The following SPIRE1 variants were observed in gnomAD, a reference collection of about 807,000 sequenced individuals.
The protein encoded by SPIRE1 is spire type actin nucleation factor 1.
A neutral mutation model predicts 94.1 loss-of-function variants in SPIRE1; 40 were observed. The observed-to-expected ratio is 0.43, with a 90% CI of 0.33 to 0.55. The LOEUF (loss-of-function observed/expected upper bound fraction) is 0.55, where lower values mean the gene tolerates loss of function less well. Among genes scored for constraint, SPIRE1 ranks in the 20% least tolerant of loss-of-function variants. SPIRE1 has a pLI of 0.06. For missense variants in SPIRE1, 838 were observed against 975.2 expected (o/e 0.86, Z 1.87); for synonymous variants, 376 against 371.7 (o/e 1.01, Z -0.13).
intron 2 of SPIRE1, among the ~76,000 whole-genome samples, chr18:12,595,222 C>T (rs1473541511): frequency 6.6e-6 from 1 of 152,178 alleles, no homozygotes; most frequent in Non-Finnish European, 1.5e-5. Flanking sequence ...GGGAGGATCA[C>T]CTGAGCCCAG....
Position 12,559,713 on chromosome 18 carries a change from C to G in SPIRE1, c.373-12809G>C, listed in dbSNP as rs1400285074. The stretch of plus-strand genomic sequence containing the variant: ...GGGCAAAGATTTCTTGAGTAATAAC[C>G]CACAGGCACAGGGAACCAAAGCAAA... On this transcript the variant is annotated intron_variant, in intron 2 of 16. Coordinates refer to ENST00000409402, the MANE Select transcript of SPIRE1 (RefSeq NM_001128626.2). The surrounding 1 kb of genome is among the most constrained non-coding windows in gnomAD (Gnocchi z 4.7). Among the ~76,000 whole-genome samples, 1 of 152,134 alleles carries G rather than the reference C, an allele frequency of 6.6e-6. No individual in the cohort carries two copies. The highest frequency in any genetic ancestry group is 1.5e-5 in the Non-Finnish European group (1 of 68,010).
At chr18:12,601,028 C>T (rs1598515667) in intron 2 of SPIRE1, among the ~76,000 whole-genome samples, 1 of 152,198 alleles carries the variant, frequency 6.6e-6, no homozygotes, top group Middle Eastern at 3.4e-3. Flanking sequence ...GGCCCATTAT[C>T]GTTAGTTATT....
At chr18:12,576,242 G>C (rs1030928507) in intron 2 of SPIRE1, among the ~76,000 whole-genome samples, 4 of 151,700 alleles carry the variant, frequency 2.6e-5, no homozygotes, top group Non-Finnish European at 5.9e-5. Flanking sequence ...AAATTATCTA[G>C]AATAGCCAGA....
At chr18:12,556,786 C>T (rs561872185) in intron 2 of SPIRE1, among the ~76,000 whole-genome samples, 1 of 152,214 alleles carries the variant, frequency 6.6e-6, no homozygotes, top group East Asian at 1.9e-4. Context: ...GTGGTGAGGA[C>T]CCAAAGAGTG....
chr18:12,448,756 T>C lies in SPIRE1; in HGVS notation c.*882A>G, dbSNP rs1346410665. ...TAGCTGAAAACCCATGAGCTCCAGC[T>C]CATTTCTGCAGCGTGGCCAACAGCT... On this transcript the variant is annotated 3_prime_UTR_variant, in exon 17 of 17. Transcript: ENST00000409402. This position sits in a 1 kb window ranked among gnomAD's most constrained non-coding sequence, Gnocchi z 4.4. The C allele has an allele frequency of 6.6e-6, 1 of 152,200 alleles. No individual in the cohort carries two copies. The highest frequency in any genetic ancestry group is 1.5e-5 in the Non-Finnish European group (1 of 68,030). The allele number at this position is 152,200 out of a possible 1,614,324, so 9.4% of individuals were successfully genotyped here.
At chr18:12,475,884 C>T (rs1020265923) in intron 10 of SPIRE1, among the ~76,000 whole-genome samples, 3 of 152,226 alleles carry the variant, frequency 2.0e-5, no homozygotes, top group Non-Finnish European at 4.4e-5. Flanking sequence ...TCCGTACACC[C>T]TGAGCGGGCC....
chr18:12,640,365 T>C (rs1187792013), intron 1 of SPIRE1, among the ~76,000 whole-genome samples: 4 of 152,202 alleles, frequency 2.6e-5, no homozygotes, highest in Admixed American at 1.3e-4. Context: ...TTCTTTTTCA[T>C]GCTAAAACTG....
chr18:12,599,958 C>T (rs768953029), intron 2 of SPIRE1, among the ~76,000 whole-genome samples: 1 of 152,108 alleles, frequency 6.6e-6, no homozygotes, highest in Non-Finnish European at 1.5e-5. Flanking sequence ...GATTATATTA[C>T]ATAAGACAGC....
intron 2 of SPIRE1, among the ~76,000 whole-genome samples, chr18:12,569,398 A>G (rs1442057616): frequency 1.3e-5 from 2 of 151,788 alleles, no homozygotes; most frequent in African/African-American, 4.8e-5. Flanking sequence ...TTACACTGGC[A>G]TGTGCACCAG....
At chr18:12,479,005 G>T (rs1482525238) in intron 10 of SPIRE1, among the ~76,000 whole-genome samples, 1 of 151,924 alleles carries the variant, frequency 6.6e-6, no homozygotes, top group Admixed American at 6.6e-5. Flanking sequence ...TATTTTAGAA[G>T]AATCTATGCA....
intron 7 of SPIRE1, among the ~76,000 whole-genome samples, chr18:12,494,850 A>AAAAC (rs2033388668): frequency 6.8e-6 from 1 of 147,148 alleles, no homozygotes; most frequent in Non-Finnish European, 1.5e-5. Context: ...AAAAAAAAAA[A>AAAAC]AAAAAAATAC....
chr18:12,647,190 T>A (rs1463239969), intron 1 of SPIRE1, among the ~76,000 whole-genome samples: 1 of 152,222 alleles, frequency 6.6e-6, no homozygotes, highest in Non-Finnish European at 1.5e-5. Flanking sequence ...TAATGTCTCA[T>A]ATCAGTTTTA....
intron 2 of SPIRE1, among the ~76,000 whole-genome samples, chr18:12,622,589 A>G (rs2037506941): frequency 6.6e-6 from 1 of 151,282 alleles, no homozygotes; most frequent in Admixed American, 6.6e-5. Flanking sequence ...TGCCCGGCTA[A>G]TTTTTTGTAT....
intron 2 of SPIRE1, among the ~76,000 whole-genome samples, chr18:12,557,444 G>A (rs2144363808): frequency 6.6e-6 from 1 of 152,278 alleles, no homozygotes; most frequent in African/African-American, 2.4e-5. Flanking sequence ...CCAAATGTGG[G>A]GCCTGCCAAG....
chr18:12,553,379 C>T (rs1323625422), intron 2 of SPIRE1, among the ~76,000 whole-genome samples: 2 of 151,732 alleles, frequency 1.3e-5, no homozygotes, highest in Non-Finnish European at 2.9e-5. Context: ...GGCCTGGCAG[C>T]ATTCACTAAA....
At chr18:12,624,268 A>T (rs62097152) in intron 2 of SPIRE1, among the ~76,000 whole-genome samples, 1 of 150,294 alleles carries the variant, frequency 6.7e-6, no homozygotes, top group African/African-American at 2.4e-5. Context: ...CATGGCTGGG[A>T]GTGGTGGCTC....
chr18:12,464,469 G>C (rs1023707745), intron 11 of SPIRE1, among the ~76,000 whole-genome samples: 4 of 152,004 alleles, frequency 2.6e-5, no homozygotes, highest in African/African-American at 9.7e-5. Context: ...AGTTATAAAG[G>C]TGTTTTCACT....
At chr18:12,589,363 G>A (rs2036469192) in intron 2 of SPIRE1, among the ~76,000 whole-genome samples, 1 of 152,080 alleles carries the variant, frequency 6.6e-6, no homozygotes, top group Non-Finnish European at 1.5e-5. Context: ...AGTGAAGGAG[G>A]AGACCTGGAC....
At chr18:12,522,789 A>G (rs1355162767) in intron 4 of SPIRE1, among the ~76,000 whole-genome samples, 2 of 152,212 alleles carry the variant, frequency 1.3e-5, no homozygotes, top group Admixed American at 1.3e-4. Context: ...GGATGGCGGC[A>G]CATCTGTTTA....
Sources: gnomAD v4.1 joint callset for allele counts (sites outside exome capture counted in the v4.1 genomes callset) on GRCh38, gnomAD v4.1.1 for gene constraint, Gnocchi (gnomAD v3.1) non-coding constraint, MANE v1.5 for transcripts, NCBI Gene and HGNC (gene_info 2026-07-23, HGNC 2026-07-21) for gene names.